The following KIR2DL4 variants were observed in gnomAD, a reference collection of about 807,000 sequenced individuals.
KIR2DL4 encodes killer cell immunoglobulin-like receptor 2DL4.
KIR2DL4 carries 41 observed loss-of-function variants against 31.0 expected under a neutral mutation model. The observed-to-expected ratio is 1.32, with a 90% confidence interval of 1.03 to 1.72. The LOEUF (loss-of-function observed/expected upper bound fraction) is 1.72. Ranked by LOEUF, KIR2DL4 falls within the 40% of genes most tolerant of loss-of-function variation. KIR2DL4 has a pLI of 0.00. For synonymous variants in KIR2DL4, 164 were observed against 133.6 expected (o/e 1.23, Z -1.57); for missense variants, 438 against 353.7 (o/e 1.24, Z -1.91).
intron 5 of KIR2DL4, among the ~76,000 whole-genome samples, chr19:54,812,317 T>A (rs1422263396): frequency 6.6e-6 from 1 of 150,678 alleles, no homozygotes; most frequent in African/African-American, 2.5e-5. Context: ...ACACATGGAG[T>A]CACTTCATGT....
intron 5 of KIR2DL4, among the ~76,000 whole-genome samples, chr19:54,810,620 G>A (rs577653426): frequency 6.6e-6 from 1 of 151,574 alleles, no homozygotes; most frequent in East Asian, 1.9e-4. Context: ...GGAAGGAAGA[G>A]GCTCTGCCTG....
At chr19:54,812,109 G>A (rs2147968204) in intron 5 of KIR2DL4, among the ~76,000 whole-genome samples, 1 of 151,290 alleles carries the variant, frequency 6.6e-6, no homozygotes, top group East Asian at 1.9e-4. Context: ...AGTCTTCCCA[G>A]AGAAGACTCT....
exon 8 of KIR2DL4, chr19:54,814,343 A>G (rs933642607): frequency 1.4e-5 from 8 of 556,812 alleles, no homozygotes; most frequent in African/African-American, 1.3e-4. Flanking sequence ...ACAATTCCAA[A>G]CATACAAGAG....
exon 4 of KIR2DL4, chr19:54,806,207 G>T: frequency 6.2e-7 from 1 of 1,611,176 alleles, no homozygotes; most frequent in Admixed American, 1.7e-5. Context: ...CCTACGAGTG[G>T]TCAGACCCGA....
At chr19:54,811,193 T>TA (rs1163872357) in intron 5 of KIR2DL4, among the ~76,000 whole-genome samples, 1 of 150,534 alleles carries the variant, frequency 6.6e-6, no homozygotes, top group Non-Finnish European at 1.5e-5. Context: ...AGATCAGGAG[T>TA]TCGAGATCAG....
chr19:54,804,145 C>T (rs1341714433), intron 2 of KIR2DL4, among the ~76,000 whole-genome samples: 3 of 150,604 alleles, frequency 2.0e-5, no homozygotes, highest in Non-Finnish European at 4.4e-5. Context: ...AAGAGGAGAT[C>T]CTGGTATGCT....
intron 1 of KIR2DL4, 86 bp downstream of exon 1, chr19:54,803,777 G>A: frequency 6.4e-7 from 1 of 1,571,198 alleles, no homozygotes; most frequent in African/African-American, 1.4e-5. Context: ...ATGTTCTGAA[G>A]CAAGTGAGTG....
chr19:54,813,669 G>A (rs2061015930), intron 6 of KIR2DL4, 21 bp from the exon 6 acceptor site: 12 of 1,610,844 alleles, frequency 7.4e-6, no homozygotes, highest in Admixed American at 3.3e-5. Flanking sequence ...CAGCTGTTTT[G>A]ATTGCTTCCG....
At chr19:54,805,099 C>T in intron 3 of KIR2DL4, 22 bp downstream of exon 3, 2 of 1,572,532 alleles carry the variant, frequency 1.3e-6, no homozygotes, top group Non-Finnish European at 8.6e-7. Context: ...CCTGTCTGGG[C>T]TTCTCCTTGT....
intron 3 of KIR2DL4, among the ~76,000 whole-genome samples, chr19:54,805,589 G>C (rs1432955596): frequency 6.6e-6 from 1 of 151,302 alleles, no homozygotes; most frequent in Non-Finnish European, 1.5e-5. Flanking sequence ...AGCCCAGGAA[G>C]AACAGGGTCT....
chr19:54,805,155 G>A (rs766296177), intron 3 of KIR2DL4, 78 bp downstream of exon 3: 9 of 1,384,154 alleles, frequency 6.5e-6, no homozygotes, highest in Non-Finnish European at 8.8e-6. Flanking sequence ...GTCCACCAGA[G>A]TCCGATCATC....
chr19:54,810,360 T>G (rs1204931925), intron 5 of KIR2DL4, among the ~76,000 whole-genome samples: 3 of 150,984 alleles, frequency 2.0e-5, no homozygotes, highest in East Asian at 3.9e-4. Flanking sequence ...CTCCCAACCT[T>G]AAGGGATCCG....
chr19:54,813,613 G>T, intron 6 of KIR2DL4, 77 bp from the exon 6 acceptor site: 2 of 1,459,310 alleles, frequency 1.4e-6, no homozygotes, highest in South Asian at 2.3e-5. Flanking sequence ...GCCTCCCCCT[G>T]TGTGTTGGTA....
At chr19:54,806,817 G>A (rs1422665411) in intron 4 of KIR2DL4, among the ~76,000 whole-genome samples, 2 of 149,666 alleles carry the variant, frequency 1.3e-5, no homozygotes, top group Admixed American at 6.7e-5. Context: ...AGACCAGCCT[G>A]GCCAACATGG....
In KIR2DL4 at chr19:54,808,895, A is replaced by C; in HGVS notation, c.706+12A>C. On this transcript the variant is annotated intron_variant, in intron 5 of 7. Coordinates refer to ENST00000359085, the Ensembl canonical transcript of KIR2DL4. ...AAGCTTCAAAACTGGTAAGTGAAGGACCCCTCTTATCTCTGCTTTTGGAAA... is the reference window on the plus strand; with the variant it reads ...AAGCTTCAAAACTGGTAAGTGAAGGCCCCCTCTTATCTCTGCTTTTGGAAA... 6.2e-7 allele frequency: 1 copy of C among 1,600,360 alleles called. No individual in the cohort carries two copies. The highest frequency in any genetic ancestry group is 8.5e-7 in the Non-Finnish European group (1 of 1,170,496).
At position 54,808,981 on chromosome 19, in the gene KIR2DL4, G is replaced by A. The variant is rs1029151689; in HGVS notation, c.706+98G>A. 3 of 971,572 alleles carry A rather than the reference G, an allele frequency of 3.1e-6. No individual in the cohort carries two copies. The East Asian group carries it at 7.2e-5, about 23-fold the overall frequency. 60.2% of individuals were successfully genotyped at this position (971,572 alleles called of 1,614,324 possible). ...CTCAGCACCTGCCAGCTCTGTGATT[G>A]TGGGCCTGTCTTCCATTGTCTCTGA... is the stretch of plus-strand genomic sequence containing the variant. On this transcript the variant is annotated intron_variant, in intron 5 of 7. Coordinates refer to ENST00000359085, the Ensembl canonical transcript of KIR2DL4.
rs202246882 is a variant in KIR2DL4 at position 54,805,981 on chromosome 19, G to T, written c.392G>T (p.Arg131Leu). 21 of 1,608,636 alleles carry T rather than the reference G, an allele frequency of 1.3e-5. 1 individual carries two copies. Among genetic ancestry groups the T allele is most frequent in the Non-Finnish European group, 1.7e-5 (20 of 1,178,780 alleles). Residue 131 changes from arginine to leucine, a missense_variant, in exon 4 of 8, where the codon CGG becomes CTG. Coordinates refer to ENST00000359085, the Ensembl canonical transcript of KIR2DL4. ...TATGAGAAACCTTCGCTTACAGCCC[G>T]GCCGGGCCCCACGGTTCGCGCAGGA...
chr19:54,813,803 G>T, intron 7 of KIR2DL4, 39 bp from the exon 7 acceptor site: 5 of 1,611,984 alleles, frequency 3.1e-6, no homozygotes, highest in Non-Finnish European at 4.2e-6. Flanking sequence ...CCTGAAAAAT[G>T]TGAACACCCT....
At chr19:54,811,942 A>G (rs2060889068) in intron 5 of KIR2DL4, among the ~76,000 whole-genome samples, 1 of 151,346 alleles carries the variant, frequency 6.6e-6, no homozygotes. Flanking sequence ...CTTCATCATT[A>G]TTTCCTGGCT....
Sources: gnomAD v4.1 joint callset for allele counts (sites outside exome capture counted in the v4.1 genomes callset) on GRCh38, gnomAD v4.1.1 for gene constraint, MANE v1.5 for transcripts, NCBI Gene and HGNC (gene_info 2026-07-23, HGNC 2026-07-21) for gene names.